MCF2L2: variants seen among roughly 807,000 people sequenced by gnomAD.
The protein encoded by MCF2L2 is probable guanine nucleotide exchange factor MCF2L2.
A neutral mutation model predicts 150.2 loss-of-function variants in MCF2L2; 102 were observed. That is an observed-to-expected ratio of 0.68 (90% CI 0.58 to 0.80). The LOEUF is 0.80. Among genes scored for constraint, MCF2L2 ranks in the 30% least tolerant of loss-of-function variants. The pLI, the probability that MCF2L2 is intolerant of heterozygous loss-of-function variation, is 0.00. For missense variants in MCF2L2, 1,256 were observed against 1,372.8 expected (o/e 0.91, Z 1.34); for synonymous variants, 465 against 491.3 (o/e 0.95, Z 0.71).
chr3:183,192,192 G>A (rs1721920595), intron 27 of MCF2L2, among the ~76,000 whole-genome samples: 1 of 151,332 alleles, frequency 6.6e-6, no homozygotes, highest in Non-Finnish European at 1.5e-5. Context: ...CCAGGCTGGA[G>A]TGCAGTGGCA....
At chr3:183,384,342 G>A (rs1425621845) in intron 2 of MCF2L2, among the ~76,000 whole-genome samples, 1 of 152,188 alleles carries the variant, frequency 6.6e-6, no homozygotes, top group Admixed American at 6.5e-5. Context: ...CTGGGGATTA[G>A]ATTGCCTTTG....
chr3:183,314,824 G>A (rs78604299), intron 7 of MCF2L2, among the ~76,000 whole-genome samples: 39,235 of 136,386 alleles, frequency 0.29, 5,879 homozygotes, highest in East Asian at 0.47. Flanking sequence ...GACCACTCAC[G>A]GTAAAATAAA....
At chr3:183,196,868 C>T (rs1023366039) in intron 25 of MCF2L2, among the ~76,000 whole-genome samples, 1 of 152,140 alleles carries the variant, frequency 6.6e-6, no homozygotes, top group Non-Finnish European at 1.5e-5. Context: ...CCTGTCACAA[C>T]CTATAAAGCA....
At chr3:183,395,584 T>C (rs1198593685) in intron 1 of MCF2L2, among the ~76,000 whole-genome samples, 2 of 152,170 alleles carry the variant, frequency 1.3e-5, no homozygotes, top group East Asian at 1.9e-4. Context: ...TTGAGGAATT[T>C]TGACAAATAT....
At chr3:183,259,806 G>T (rs1162057378) in intron 15 of MCF2L2, among the ~76,000 whole-genome samples, 2 of 152,128 alleles carry the variant, frequency 1.3e-5, no homozygotes, top group African/African-American at 4.8e-5. Context: ...GACTGATGAG[G>T]TCACTTCTGC....
intron 26 of MCF2L2, among the ~76,000 whole-genome samples, chr3:183,194,195 G>T (rs189999844): frequency 6.6e-6 from 1 of 152,142 alleles, no homozygotes; most frequent in Admixed American, 6.5e-5. Context: ...TCTAGCGGGG[G>T]TTCCATGAGG....
intron 2 of MCF2L2, among the ~76,000 whole-genome samples, chr3:183,379,619 A>G (rs1380295926): frequency 1.3e-5 from 2 of 152,182 alleles, no homozygotes; most frequent in East Asian, 3.9e-4. Flanking sequence ...TCAATTTTTG[A>G]ATCCTTTGAA....
intron 15 of MCF2L2, among the ~76,000 whole-genome samples, chr3:183,274,871 A>G (rs573701580): frequency 2.0e-5 from 3 of 152,258 alleles, no homozygotes; most frequent in South Asian, 4.1e-4. Flanking sequence ...CAGACCTCAA[A>G]GACTCCTCAC....
At chr3:183,289,867 C>T (rs1420057871) in intron 13 of MCF2L2, among the ~76,000 whole-genome samples, 1 of 151,998 alleles carries the variant, frequency 6.6e-6, no homozygotes, top group Non-Finnish European at 1.5e-5. Context: ...AACAAACAAA[C>T]AGACAAACAA....
rs113781397 is a variant in MCF2L2, at chr3:183,422,196, T to C, written c.76+5706A>G. Reference sequence around the variant, plus strand: ...ACTCTCTGATAAACAAGCTGGCCTATGGTTTAGCTTGTTGCTCTCACAAAG... The same window carrying C: ...ACTCTCTGATAAACAAGCTGGCCTACGGTTTAGCTTGTTGCTCTCACAAAG... On this transcript the variant is annotated intron_variant, in intron 1 of 29. Transcript: ENST00000328913. Among the ~76,000 whole-genome samples, 652 of 152,366 alleles carry C rather than the reference T, an allele frequency of 4.3e-3. 3 individuals are homozygous for C. The highest frequency in any genetic ancestry group is 7.1e-3 in the Non-Finnish European group (482 of 68,030).
chr3:183,396,749 T>A (rs1714487718), intron 1 of MCF2L2, among the ~76,000 whole-genome samples: 1 of 152,182 alleles, frequency 6.6e-6, no homozygotes, highest in African/African-American at 2.4e-5. Flanking sequence ...ATTATTATTA[T>A]TGTATATTCA....
At chr3:183,309,861 G>T (rs369104514) in intron 9 of MCF2L2, 26 bp from the exon 10 acceptor site, 9 of 1,611,962 alleles carry the variant, frequency 5.6e-6, no homozygotes, top group Non-Finnish European at 7.6e-6. Flanking sequence ...GAACAGTCCA[G>T]AAGTAAACCA....
At chr3:183,346,042 A>G (rs1187697441) in intron 3 of MCF2L2, among the ~76,000 whole-genome samples, 2 of 152,218 alleles carry the variant, frequency 1.3e-5, no homozygotes, top group Non-Finnish European at 2.9e-5. Flanking sequence ...ACAATAGAAA[A>G]AGAGGGACTC....
intron 2 of MCF2L2, among the ~76,000 whole-genome samples, chr3:183,385,131 G>A (rs930020292): frequency 6.6e-6 from 1 of 152,058 alleles, no homozygotes; most frequent in African/African-American, 2.4e-5. Context: ...GTTGAATATC[G>A]AGTACATGTG....
rs1174495754 is a variant in MCF2L2 at position 183,179,444 on chromosome 3, G to T, written c.3281C>A (p.Ala1094Glu). 3 of 1,585,720 alleles carry T rather than the reference G, an allele frequency of 1.9e-6. No individual in the cohort carries two copies. The African/African-American group carries it at 4.0e-5, about 21-fold the overall frequency. The change falls in exon 30 of 30, where the codon GCG becomes GAG. Residue 1094 changes from alanine (A) to glutamate (E), a missense_variant. Physicochemically the swap from Ala to Glu is moderately radical, Grantham distance 107. Coordinates refer to ENST00000328913, the MANE Select transcript of MCF2L2 (RefSeq NM_015078.4). This position sits in a 1 kb window ranked among gnomAD's most constrained non-coding sequence, Gnocchi z 4.2. ...CGCCTGGAAACCAGCCGTCGCCCCCGCAGGAGCCAGCCGGCCCGTGGACGC... is the reference window on the plus strand; with the variant it reads ...CGCCTGGAAACCAGCCGTCGCCCCCTCAGGAGCCAGCCGGCCCGTGGACGC... Reference protein sequence around the residue: ...AGASTGRLAPAGATAGFQARA... With the variant: ...AGASTGRLAPEGATAGFQARA...
At chr3:183,400,429 G>A (rs1343227720) in intron 1 of MCF2L2, 4 of 456,360 alleles carry the variant, frequency 8.8e-6, no homozygotes, top group Admixed American at 2.4e-5. Flanking sequence ...TCTGTTATCC[G>A]CACCAAGGTG....
At chr3:183,369,191 G>T (rs1267644278) in intron 3 of MCF2L2, among the ~76,000 whole-genome samples, 1 of 152,154 alleles carries the variant, frequency 6.6e-6, no homozygotes, top group African/African-American at 2.4e-5. Flanking sequence ...AGGCCATGAT[G>T]GAATGAGCAG....
At chr3:183,367,966 A>C (rs1712639429) in intron 3 of MCF2L2, among the ~76,000 whole-genome samples, 1 of 152,238 alleles carries the variant, frequency 6.6e-6, no homozygotes. Flanking sequence ...TGAAAACTGC[A>C]TGACATGGTG....
chr3:183,368,635 G>T (rs974821730), intron 3 of MCF2L2, among the ~76,000 whole-genome samples: 7 of 152,160 alleles, frequency 4.6e-5, no homozygotes, highest in African/African-American at 1.4e-4. Context: ...GTGGTGGCAG[G>T]TGGCTGTAAT....
Sources: allele counts gnomAD v4.1 joint callset (sites outside exome capture counted in the v4.1 genomes callset), GRCh38; gene constraint gnomAD v4.1.1; non-coding constraint Gnocchi (gnomAD v3.1); transcripts MANE v1.5; gene names NCBI Gene and HGNC (gene_info 2026-07-23, HGNC 2026-07-21).